GABRB3: variants seen among roughly 807,000 people sequenced by gnomAD.
GABRB3 encodes the protein gamma-aminobutyric acid receptor subunit beta-3.
A neutral mutation model predicts 52.1 loss-of-function variants in GABRB3; 14 were observed. The ratio of observed to expected loss-of-function variants is 0.27; its 90% CI spans 0.18 to 0.42. The LOEUF is 0.42. GABRB3 is among the 10% of genes least tolerant of loss of function. GABRB3 has a pLI of 1.00. For missense variants in GABRB3, 307 were observed against 609.1 expected, an observed-to-expected ratio of 0.50 and a Z score of 5.22; for synonymous variants, 260 against 232.3, an observed-to-expected ratio of 1.12 and a Z score of -1.08.
intron 3 of GABRB3, among the ~76,000 whole-genome samples, chr15:26,731,603 T>TTAGAG (rs1410254965): frequency 6.6e-6 from 1 of 152,090 alleles, no homozygotes; most frequent in African/African-American, 2.4e-5. Flanking sequence ...AACCAGGAGA[T>TTAGAG]TAGAGTTTAT....
chr15:26,734,497 T>C (rs1198309420), intron 3 of GABRB3, among the ~76,000 whole-genome samples: 1 of 151,904 alleles, frequency 6.6e-6, no homozygotes, highest in South Asian at 2.1e-4. Context: ...AAACACTATC[T>C]GGCTGGGTGA....
chr15:26,602,289 T>C (rs543593966), intron 4 of GABRB3, among the ~76,000 whole-genome samples: 7 of 152,206 alleles, frequency 4.6e-5, no homozygotes, highest in East Asian at 1.9e-4. Context: ...AAGAGAGAGA[T>C]AGGCGTCCTT....
intron 4 of GABRB3, among the ~76,000 whole-genome samples, chr15:26,606,160 G>T (rs1390700178): frequency 6.6e-6 from 1 of 152,050 alleles, no homozygotes; most frequent in Non-Finnish European, 1.5e-5. Flanking sequence ...GTGGACAGGG[G>T]CACAGATCAA....
chr15:26,654,657 A>G (rs1887309971), intron 3 of GABRB3, among the ~76,000 whole-genome samples: 1 of 152,122 alleles, frequency 6.6e-6, no homozygotes, highest in Non-Finnish European at 1.5e-5. Context: ...ACTCCTGGGT[A>G]GGCTGACTTA....
intron 4 of GABRB3, among the ~76,000 whole-genome samples, chr15:26,616,676 G>A (rs1159333525): frequency 6.6e-6 from 1 of 150,954 alleles, no homozygotes; most frequent in Non-Finnish European, 1.5e-5. Context: ...AGGCATGATG[G>A]ATATAAATTT....
chr15:26,745,737 C>T lies in GABRB3; in HGVS notation c.240+26665G>A, dbSNP rs191207172. Among the ~76,000 whole-genome samples the T allele has an allele frequency of 7.9e-5, 12 of 152,254 alleles. No individual in the cohort carries two copies. In the East Asian group the frequency reaches 1.7e-3, roughly 22 times the overall value. ...TAAATAAAATATAGTGTAACCTTTA[C>T]GCTTAATAAGCATAATTCCATGAGC... is the stretch of plus-strand genomic sequence containing the variant. On this transcript the variant is annotated intron_variant, in intron 3 of 8. Coordinates refer to ENST00000311550, the MANE Select transcript of GABRB3 (RefSeq NM_000814.6).
chr15:26,752,228 A>ATTTT (rs1202648075), intron 3 of GABRB3, among the ~76,000 whole-genome samples: 16 of 139,270 alleles, frequency 1.1e-4, no homozygotes, highest in South Asian at 7.2e-4. Context: ...TGCTCTCTTT[A>ATTTT]TTTTATTTAT....
At chr15:26,549,427 G>T (rs966482026) in intron 8 of GABRB3, among the ~76,000 whole-genome samples, 1 of 152,146 alleles carries the variant, frequency 6.6e-6, no homozygotes, top group Admixed American at 6.5e-5. Context: ...AGGCACCAAA[G>T]AGGACTCTCA....
At chr15:26,641,533 G>A (rs1004008314) in intron 3 of GABRB3, among the ~76,000 whole-genome samples, 8 of 152,242 alleles carry the variant, frequency 5.3e-5, no homozygotes, top group Admixed American at 5.2e-4. Context: ...CAAACTCTTG[G>A]TTAGAATGAA....
chr15:26,666,546 A>C (rs1412545738), intron 3 of GABRB3: 2 of 152,230 alleles, frequency 1.3e-5, no homozygotes, highest in Non-Finnish European at 2.9e-5. Context: ...GAAGGATACG[A>C]AATGGTCTGC....
chr15:26,670,151 C>T (rs967952285), intron 3 of GABRB3, among the ~76,000 whole-genome samples: 14 of 152,294 alleles, frequency 9.2e-5, no homozygotes, highest in Non-Finnish European at 1.6e-4. Flanking sequence ...GGGCTGAGCG[C>T]GGAGACCGCT....
chr15:26,615,673 CTTCA>C, intron 4 of GABRB3: 5 of 855,456 alleles, frequency 5.8e-6, no homozygotes, highest in Non-Finnish European at 7.3e-6. Context: ...AGCCAAAGGT[CTTCA>C]TCTAGCCTAG....
chr15:26,726,035 G>A (rs1025746319), intron 3 of GABRB3, among the ~76,000 whole-genome samples: 1 of 152,138 alleles, frequency 6.6e-6, no homozygotes. Context: ...TTGTGGGTGT[G>A]CTACTATGGG....
intron 3 of GABRB3, among the ~76,000 whole-genome samples, chr15:26,656,601 GC>G (rs1367805241): frequency 6.6e-6 from 1 of 152,186 alleles, no homozygotes; most frequent in Non-Finnish European, 1.5e-5. Context: ...CCTGAGCTTG[GC>G]CCCCTGTTAG....
chr15:26,586,061 C>G lies in GABRB3; in HGVS notation c.462-2647G>C, dbSNP rs7174407. Among the ~76,000 whole-genome samples the G allele has an allele frequency of 3.5e-3, 527 of 152,186 alleles. 7 individuals are homozygous for G. The highest frequency in any genetic ancestry group is 0.012 in the African/African-American group (516 of 41,518). On this transcript the variant is annotated intron_variant, in intron 4 of 8. Transcript: ENST00000311550. ...TCGCCCAGGCTTGAGTGCAGTGGCG[C>G]AATCTTGGCTCACTGCAAGCTCCAT... is the stretch of plus-strand genomic sequence containing the variant.
chr15:26,750,570 G>A (rs1890476918), intron 3 of GABRB3, among the ~76,000 whole-genome samples: 1 of 151,946 alleles, frequency 6.6e-6, no homozygotes, highest in Admixed American at 6.6e-5. Context: ...ATAAGAATCG[G>A]GCAGAATACT....
intron 8 of GABRB3, among the ~76,000 whole-genome samples, chr15:26,550,631 C>A (rs1454079903): frequency 2.0e-5 from 3 of 152,188 alleles, no homozygotes; most frequent in African/African-American, 7.2e-5. Flanking sequence ...CCAGCCAAGG[C>A]AATGGGGATC....
intron 3 of GABRB3, among the ~76,000 whole-genome samples, chr15:26,628,001 G>A (rs1453728069): frequency 2.0e-5 from 3 of 152,182 alleles, no homozygotes; most frequent in Non-Finnish European, 4.4e-5. Context: ...ACCCTGATCA[G>A]CCAGCAGCCA....
At position 26,677,342 on chromosome 15, in the gene GABRB3, C is replaced by T. The variant is rs145537840; in HGVS notation, c.241-55808G>A. Among the ~76,000 whole-genome samples the T allele has an allele frequency of 9.1e-3, 1,393 of 152,280 alleles. 14 individuals are homozygous for T. The highest frequency in any genetic ancestry group is 0.017 in the Middle Eastern group (5 of 294). ...TATCCATAGAAGAGATCATACAAAT[C>T]TTGTTCATTCATTTGCAATGATAAC... On this transcript the variant is annotated intron_variant, in intron 3 of 8. Coordinates refer to ENST00000311550, the MANE Select transcript of GABRB3 (RefSeq NM_000814.6).
Sources: allele counts gnomAD v4.1 joint callset (sites outside exome capture counted in the v4.1 genomes callset), GRCh38; gene constraint gnomAD v4.1.1; transcripts MANE v1.5; gene names NCBI Gene and HGNC (gene_info 2026-07-23, HGNC 2026-07-21).